ARHGAP18: variants seen among roughly 807,000 people sequenced by gnomAD.
ARHGAP18 encodes rho GTPase-activating protein 18.
A neutral mutation model predicts 86.2 loss-of-function variants in ARHGAP18; 67 were observed. That is an observed-to-expected ratio of 0.78 (90% CI 0.64 to 0.95). The LOEUF (loss-of-function observed/expected upper bound fraction) is 0.95, where lower values mean the gene tolerates loss of function less well. Among genes scored for constraint, ARHGAP18 ranks in the 40% least tolerant of loss-of-function variants. The pLI is 0.00. For missense variants in ARHGAP18, 691 were observed against 780.4 expected, an observed-to-expected ratio of 0.89 and a Z score of 1.37; for synonymous variants, 283 against 280.4, an observed-to-expected ratio of 1.01 and a Z score of -0.09.
At chr6:129,691,469 C>G (rs1330739175) in intron 1 of ARHGAP18, among the ~76,000 whole-genome samples, 1 of 152,142 alleles carries the variant, frequency 6.6e-6, no homozygotes, top group Admixed American at 6.5e-5. Context: ...AATTCACTTC[C>G]AATCATTTCT....
intron 2 of ARHGAP18, among the ~76,000 whole-genome samples, chr6:129,640,131 G>A (rs1773424492): frequency 1.3e-5 from 2 of 148,172 alleles, no homozygotes; most frequent in South Asian, 4.3e-4. Context: ...TATAAAACCA[G>A]ATTGCCAGAA....
chr6:129,633,165 C>A (rs1562702404), intron 4 of ARHGAP18, among the ~76,000 whole-genome samples: 1 of 151,558 alleles, frequency 6.6e-6, no homozygotes, highest in Non-Finnish European at 1.5e-5. Context: ...TGGTGGCTCA[C>A]ACCTGTAATC....
intron 1 of ARHGAP18, among the ~76,000 whole-genome samples, chr6:129,666,624 T>C (rs927873835): frequency 4.6e-5 from 7 of 152,340 alleles, no homozygotes; most frequent in African/African-American, 1.7e-4. Flanking sequence ...GCCTTCAACC[T>C]GACTCCAGGG....
At chr6:129,611,510 C>T (rs751501227) in intron 8 of ARHGAP18, 23 bp downstream of exon 8, 2 of 1,604,582 alleles carry the variant, frequency 1.2e-6, no homozygotes, top group East Asian at 4.5e-5. Flanking sequence ...AAAATGTTTA[C>T]ATTAGTAGAA....
chr6:129,663,431 C>T (rs1773989579), intron 1 of ARHGAP18, among the ~76,000 whole-genome samples: 2 of 152,132 alleles, frequency 1.3e-5, no homozygotes, highest in Non-Finnish European at 2.9e-5. Flanking sequence ...GGTATAAAAT[C>T]CTCTGCATCC....
At chr6:129,660,250 G>C (rs1000576132) in intron 1 of ARHGAP18, among the ~76,000 whole-genome samples, 5 of 152,240 alleles carry the variant, frequency 3.3e-5, no homozygotes, top group African/African-American at 9.6e-5. Flanking sequence ...CACATCCTGA[G>C]ACAGCCTGGG....
intron 1 of ARHGAP18, among the ~76,000 whole-genome samples, chr6:129,675,874 C>T (rs1017917000): frequency 3.3e-5 from 5 of 152,164 alleles, no homozygotes; most frequent in African/African-American, 1.2e-4. Context: ...CACTTCACTC[C>T]ACCGTACTCC....
At position 129,578,614 on chromosome 6, in the gene ARHGAP18, T is replaced by A. The variant is rs749209989; in HGVS notation, c.1901-10A>T. On this transcript the variant is annotated splice_polypyrimidine_tract_variant and intron_variant, in intron 14 of 14. Transcript: ENST00000368149. ...TCAAGGCAGCGTTCCCCTGTTAAAA[T>A]AGATGTTGTGTCAGTTTAATACAGC... is the stretch of plus-strand genomic sequence containing the variant. 13 of 1,604,518 alleles carry A rather than the reference T, an allele frequency of 8.1e-6. No individual in the cohort carries two copies. Among genetic ancestry groups the A allele is most frequent in the Non-Finnish European group, 1.1e-5 (13 of 1,173,444 alleles).
In ARHGAP18 at chr6:129,626,065, TACACACACAC is replaced by T. The variant is rs71028169; in HGVS notation, c.786+3278_786+3287del. Among the ~76,000 whole-genome samples, 545 of 101,532 alleles carry T rather than the reference TACACACACAC, an allele frequency of 5.4e-3. 3 individuals carry two copies. The highest frequency in any genetic ancestry group is 0.016 in the African/African-American group (425 of 27,290). 66.6% of individuals were successfully genotyped at this position (101,532 alleles called of 152,430 possible). On this transcript the variant is annotated intron_variant, in intron 5 of 14. Transcript: ENST00000368149. The stretch of plus-strand genomic sequence containing the variant: ...ACACACACACATATATATACACATA[TACACACACAC>T]ACACACACACACACACACACACACA...
At chr6:129,600,545 G>A in intron 11 of ARHGAP18, 97 bp downstream of exon 11, 1 of 973,240 alleles carries the variant, frequency 1.0e-6, no homozygotes, top group Non-Finnish European at 1.5e-6. Context: ...AATATTTTCT[G>A]CACTCACAAA....
chr6:129,697,056 CT>C lies in ARHGAP18; in HGVS notation c.113+12967del, dbSNP rs543560431. Among the ~76,000 whole-genome samples the C allele has an allele frequency of 1.1e-4, 17 of 152,316 alleles. No individual in the cohort carries two copies. The South Asian group carries it at 3.5e-3, about 32-fold the overall frequency. On this transcript the variant is annotated intron_variant, in intron 1 of 14. Transcript: ENST00000368149. ...TCTGAGGTCATGAGAAGCCTGGTAG[CT>C]TCCTCCTGGACTTCTCGAAATCCTC...
intron 1 of ARHGAP18, among the ~76,000 whole-genome samples, chr6:129,649,666 G>C (rs1353578955): frequency 4.6e-5 from 7 of 150,564 alleles, no homozygotes; most frequent in Non-Finnish European, 1.0e-4. Context: ...TTTGACAGTG[G>C]GTAGAAAAGA....
intron 12 of ARHGAP18, among the ~76,000 whole-genome samples, chr6:129,588,599 A>T (rs1467124472): frequency 6.6e-6 from 1 of 152,164 alleles, no homozygotes; most frequent in African/African-American, 2.4e-5. Flanking sequence ...CTTTCCAGGC[A>T]CATAGCAACA....
chr6:129,583,578 T>C (rs890681727), intron 13 of ARHGAP18, among the ~76,000 whole-genome samples: 1 of 152,220 alleles, frequency 6.6e-6, no homozygotes, highest in Non-Finnish European at 1.5e-5. Flanking sequence ...TTATATTTCA[T>C]AGAAAAAGTT....
intron 2 of ARHGAP18, among the ~76,000 whole-genome samples, chr6:129,641,555 T>A (rs1414346966): frequency 6.6e-6 from 1 of 152,222 alleles, no homozygotes; most frequent in African/African-American, 2.4e-5. Context: ...AGATGAAGTC[T>A]AACTCTAAAA....
At chr6:129,646,671 G>T (rs1033315077) in intron 1 of ARHGAP18, among the ~76,000 whole-genome samples, 7 of 152,110 alleles carry the variant, frequency 4.6e-5, no homozygotes, top group African/African-American at 1.7e-4. Flanking sequence ...TTTTGAAACT[G>T]CCTTTAATGT....
At chr6:129,647,933 TTAATA>T (rs1773613488) in intron 1 of ARHGAP18, among the ~76,000 whole-genome samples, 1 of 152,144 alleles carries the variant, frequency 6.6e-6, no homozygotes, top group African/African-American at 2.4e-5. Context: ...AGTGGTCACT[TTAATA>T]TGTCAAACAG....
chr6:129,609,451 G>A (rs9402149), intron 8 of ARHGAP18, among the ~76,000 whole-genome samples: 38,875 of 151,978 alleles, frequency 0.26, 5,098 homozygotes, highest in Admixed American at 0.3. Context: ...ATTCTGTACT[G>A]AAGTAAATGT....
chr6:129,708,014 C>T (rs947528265), intron 1 of ARHGAP18, among the ~76,000 whole-genome samples: 2 of 152,038 alleles, frequency 1.3e-5, no homozygotes, highest in Non-Finnish European at 2.9e-5. Context: ...CCCATCCCAC[C>T]TTCAAATCCT....
Sources: gnomAD v4.1 joint callset for allele counts (sites outside exome capture counted in the v4.1 genomes callset) on GRCh38, gnomAD v4.1.1 for gene constraint, MANE v1.5 for transcripts, NCBI Gene and HGNC (gene_info 2026-07-23, HGNC 2026-07-21) for gene names.